The following RBFOX1 variants were observed in gnomAD, a reference collection of about 807,000 sequenced individuals.
The protein encoded by RBFOX1 is RNA binding protein fox-1 homolog 1.
A neutral mutation model predicts 57.7 loss-of-function variants in RBFOX1; 8 were observed. The ratio of observed to expected loss-of-function variants is 0.14; its 90% CI spans 0.08 to 0.25. RBFOX1 has a LOEUF of 0.25. Ranked by LOEUF, RBFOX1 falls within the 10% of genes least tolerant of loss-of-function variation. The pLI is 1.00. For missense variants in RBFOX1, 611 were observed against 548.5 expected (o/e 1.11, Z -1.14); for synonymous variants, 326 against 222.4 (o/e 1.47, Z -4.15).
chr16:6,727,713 G>C (rs749240231), intron 3 of RBFOX1, among the ~76,000 whole-genome samples: 27 of 152,054 alleles, frequency 1.8e-4, no homozygotes, highest in Non-Finnish European at 2.9e-4. Flanking sequence ...CTATCAAATG[G>C]GCTCACACGT....
chr16:5,463,033 A>T (rs1269948518), intron 1 of RBFOX1, among the ~76,000 whole-genome samples: 2 of 152,248 alleles, frequency 1.3e-5, no homozygotes, highest in Admixed American at 6.5e-5. Flanking sequence ...GTCCATTTTT[A>T]AAAAATGAAA....
intron 3 of RBFOX1, among the ~76,000 whole-genome samples, chr16:6,815,595 C>G (rs1311265521): frequency 1.3e-5 from 2 of 152,190 alleles, no homozygotes; most frequent in African/African-American, 4.8e-5. Flanking sequence ...TCATTAATCT[C>G]ATTTTACCAA....
intron 3 of RBFOX1, among the ~76,000 whole-genome samples, chr16:6,914,869 C>A (rs1238712827): frequency 2.0e-5 from 3 of 152,212 alleles, no homozygotes; most frequent in African/African-American, 7.2e-5. Context: ...AGCTGGGCAA[C>A]AGAGCAAGAC....
At chr16:6,108,966 C>G (rs74645094) in intron 1 of RBFOX1, among the ~76,000 whole-genome samples, 2,355 of 152,166 alleles carry the variant, frequency 0.015, 67 homozygotes, top group African/African-American at 0.053. Context: ...CTACAAAGAC[C>G]CTTTTCTCTC....
chr16:5,620,865 C>G (rs969824761), intron 3 of RBFOX1, among the ~76,000 whole-genome samples: 2 of 151,958 alleles, frequency 1.3e-5, no homozygotes, highest in African/African-American at 4.8e-5. Flanking sequence ...TTTTTTGAGA[C>G]AGAGTTGCTC....
At chr16:6,852,128 T>A (rs1392286381) in intron 3 of RBFOX1, among the ~76,000 whole-genome samples, 1 of 152,028 alleles carries the variant, frequency 6.6e-6, no homozygotes, top group East Asian at 1.9e-4. Context: ...AAATTTATTA[T>A]CTAACAGTTT....
At chr16:5,742,341 C>A (rs1038287864) in intron 3 of RBFOX1, among the ~76,000 whole-genome samples, 1 of 96,494 alleles carries the variant, frequency 1.0e-5, no homozygotes, top group African/African-American at 3.4e-5. Context: ...CCTTCCTCTC[C>A]TAACTTTCCT....
intron 4 of RBFOX1, among the ~76,000 whole-genome samples, chr16:7,249,668 A>T (rs976024736): frequency 3.3e-5 from 5 of 151,208 alleles, no homozygotes; most frequent in African/African-American, 1.2e-4. Context: ...TGGGTACCAG[A>T]TTTATTTTTA....
At chr16:6,354,236 C>T (rs1053886695) in intron 2 of RBFOX1, among the ~76,000 whole-genome samples, 1 of 152,030 alleles carries the variant, frequency 6.6e-6, no homozygotes, top group Non-Finnish European at 1.5e-5. Context: ...CAGACACACA[C>T]ACACACACAC....
At chr16:6,070,583 G>T (rs980906114) in intron 1 of RBFOX1, among the ~76,000 whole-genome samples, 1 of 152,064 alleles carries the variant, frequency 6.6e-6, no homozygotes, top group Non-Finnish European at 1.5e-5. Context: ...AAAACAGCCC[G>T]AAGAAGCAGC....
chr16:7,597,773 A>T (rs1012595862), intron 9 of RBFOX1, among the ~76,000 whole-genome samples: 1 of 152,220 alleles, frequency 6.6e-6, no homozygotes, highest in Non-Finnish European at 1.5e-5. Context: ...TTGCTTTTCA[A>T]TACCATCTGC....
intron 2 of RBFOX1, among the ~76,000 whole-genome samples, chr16:6,408,531 A>ACTTTG (rs1388829715): frequency 6.6e-6 from 1 of 152,136 alleles, no homozygotes; most frequent in Admixed American, 6.5e-5. Context: ...GGAAGCAGAC[A>ACTTTG]CTTTGACTTT....
chr16:6,197,128 G>C (rs568056021), intron 1 of RBFOX1, among the ~76,000 whole-genome samples: 36 of 152,284 alleles, frequency 2.4e-4, no homozygotes, highest in Non-Finnish European at 4.7e-4. Flanking sequence ...TTCTGAAATA[G>C]TGTCAGTTAA....
chr16:7,187,616 G>C (rs552547967), intron 4 of RBFOX1, among the ~76,000 whole-genome samples: 126 of 141,852 alleles, frequency 8.9e-4, no homozygotes, highest in African/African-American at 3.2e-3. Context: ...GTGAACCCGG[G>C]AGGCAGAGCT....
At chr16:7,040,919 T>G (rs996860103) in intron 3 of RBFOX1, among the ~76,000 whole-genome samples, 1 of 70,138 alleles carries the variant, frequency 1.4e-5, no homozygotes, top group Non-Finnish European at 2.4e-5. Context: ...TGTTTTTTTG[T>G]TTTTTTGCTG....
In RBFOX1 at chr16:6,830,169, A is replaced by T. The variant is rs568048533; in HGVS notation, c.-16+175519A>T. On this transcript the variant is annotated intron_variant, in intron 3 of 15. Transcript: ENST00000550418. ...TGACCTCAGGTGATCTGCCCACCTA[A>T]GCCTCCCAAAGTGCTGGGATTACAG... 4.7e-5 allele frequency among the ~76,000 whole-genome samples: 7 copies of T among 148,536 alleles called. No individual in the cohort carries two copies. In the East Asian group the frequency reaches 1.4e-3, roughly 30 times the overall value.
chr16:6,867,481 G>A lies in RBFOX1; in HGVS notation c.-15-184576G>A, dbSNP rs116957955. Among the ~76,000 whole-genome samples, 842 of 152,140 alleles carry A rather than the reference G, an allele frequency of 5.5e-3. 6 individuals carry two copies. The highest frequency in any genetic ancestry group is 0.01 in the Non-Finnish European group (697 of 68,004). On this transcript the variant is annotated intron_variant, in intron 3 of 15. Transcript: ENST00000550418. ...CTCATGTAATTCCAGCACTTTGGGGGGCCGAGACAGGCGGATCACTTGAGG... is the reference window on the plus strand; with the variant it reads ...CTCATGTAATTCCAGCACTTTGGGGAGCCGAGACAGGCGGATCACTTGAGG...
At chr16:6,522,319 T>G (rs1055796120) in intron 2 of RBFOX1, among the ~76,000 whole-genome samples, 4 of 152,210 alleles carry the variant, frequency 2.6e-5, no homozygotes, top group South Asian at 4.2e-4. Context: ...ATGCCATAAT[T>G]CCAGAGATGA....
chr16:7,402,394 C>G (rs977955056), intron 4 of RBFOX1, among the ~76,000 whole-genome samples: 1 of 152,180 alleles, frequency 6.6e-6, no homozygotes, highest in Non-Finnish European at 1.5e-5. Context: ...TACTTCTATA[C>G]AAAGGAATAT....
Sources: allele counts gnomAD v4.1 joint callset (sites outside exome capture counted in the v4.1 genomes callset), GRCh38; gene constraint gnomAD v4.1.1; transcripts MANE v1.5; gene names NCBI Gene and HGNC (gene_info 2026-07-23, HGNC 2026-07-21).